The following RCSD1 variants were observed in gnomAD, a reference collection of about 807,000 sequenced individuals.
RCSD1 encodes capZ-interacting protein.
Under a neutral mutation model 42.5 loss-of-function variants are expected in RCSD1, and 26 were observed. That is an observed-to-expected ratio of 0.61 (90% CI 0.45 to 0.85). RCSD1 has a LOEUF of 0.85. RCSD1 is among the 40% of genes least tolerant of loss of function. The probability of loss-of-function intolerance (pLI) is 0.00; values close to 1 mark genes in which losing one functional copy is unlikely to be tolerated. For synonymous variants in RCSD1, 220 were observed against 212.2 expected (o/e 1.04, Z -0.32); for missense variants, 571 against 528.3 (o/e 1.08, Z -0.79).
chr1:167,634,257 CCTAA>C (rs1657774725), intron 1 of RCSD1, among the ~76,000 whole-genome samples: 1 of 152,178 alleles, frequency 6.6e-6, no homozygotes, highest in Admixed American at 6.5e-5. Flanking sequence ...TGTCAGCCTC[CCTAA>C]CTGTCACCCC....
At chr1:167,639,013 T>G (rs576457816) in intron 1 of RCSD1, among the ~76,000 whole-genome samples, 3 of 152,058 alleles carry the variant, frequency 2.0e-5, no homozygotes, top group Admixed American at 6.6e-5. Flanking sequence ...GTCAGGAGAT[T>G]GAGACCATCC....
intron 1 of RCSD1, among the ~76,000 whole-genome samples, chr1:167,672,904 T>C (rs1333020577): frequency 2.6e-5 from 4 of 152,214 alleles, no homozygotes; most frequent in African/African-American, 7.2e-5. Context: ...CTTCTCTGTG[T>C]ATGTCTCATC....
intron 1 of RCSD1, among the ~76,000 whole-genome samples, chr1:167,643,911 C>T (rs1457478364): frequency 3.3e-5 from 5 of 152,298 alleles, no homozygotes; most frequent in Middle Eastern, 3.4e-3. Flanking sequence ...GACTGGGACA[C>T]GGGATGGACA....
At chr1:167,633,934 GT>G (rs1362043968) in intron 1 of RCSD1, 2 of 152,224 alleles carry the variant, frequency 1.3e-5, no homozygotes, top group African/African-American at 4.8e-5. Flanking sequence ...GCCCAGAAGA[GT>G]GAAGTTCTCT....
At chr1:167,672,404 A>G (rs1658831539) in intron 1 of RCSD1, among the ~76,000 whole-genome samples, 2 of 152,194 alleles carry the variant, frequency 1.3e-5, no homozygotes, top group African/African-American at 4.8e-5. Context: ...AGAGTTCTGG[A>G]GGTCAAAAGC....
At chr1:167,693,780 T>A (rs1266201291) in intron 4 of RCSD1, among the ~76,000 whole-genome samples, 1 of 152,212 alleles carries the variant, frequency 6.6e-6, no homozygotes, top group Non-Finnish European at 1.5e-5. Context: ...GTGCCACAGG[T>A]GCTCCTGGCA....
chr1:167,694,465 T>A (rs757294936), intron 5 of RCSD1, among the ~76,000 whole-genome samples, 163 bp downstream of exon 5: 1 of 152,188 alleles, frequency 6.6e-6, no homozygotes, highest in Non-Finnish European at 1.5e-5. Context: ...CCTTTGCAAA[T>A]GATCCCTGAA....
At chr1:167,630,631 T>G in intron 1 of RCSD1, 1 of 325,978 alleles carries the variant, frequency 3.1e-6, no homozygotes, top group Non-Finnish European at 5.2e-6. Context: ...ACACCCGGGT[T>G]GGGAGGCTGG....
chr1:167,694,808 T>C (rs1267734304), intron 5 of RCSD1, among the ~76,000 whole-genome samples: 1 of 152,134 alleles, frequency 6.6e-6, no homozygotes, highest in Non-Finnish European at 1.5e-5. Context: ...ATCCAAACTG[T>C]TCCCTTTGCA....
chr1:167,690,065 C>T lies in RCSD1; in HGVS notation c.215C>T (p.Ala72Val), dbSNP rs761266081. The T allele has an allele frequency of 1.4e-5, 23 of 1,613,936 alleles. No homozygotes were observed. Among genetic ancestry groups the T allele is most frequent in the Middle Eastern group, 1.6e-4 (1 of 6,082 alleles). Reference sequence around the variant, plus strand: ...GCTCCATAGAAATCACCACCCAATGCGAGCCACCCTCCTAAATTCAAGGTC... The same window carrying T: ...GCTCCATAGAAATCACCACCCAATGTGAGCCACCCTCCTAAATTCAAGGTC... ...QNGEEKSPPN[A>V]SHPPKFKVKS... The change falls in exon 4 of 7, where the codon GCG (alanine) becomes GTG (valine). Residue 72 changes from alanine (A) to valine (V), a missense_variant. Coordinates refer to ENST00000367854, the MANE Select transcript of RCSD1 (RefSeq NM_052862.4).
Position 167,653,586 on chromosome 1 carries a change from G to A in RCSD1, c.6+23157G>A, listed in dbSNP as rs572451323. 7.9e-5 allele frequency among the ~76,000 whole-genome samples: 12 copies of A among 152,334 alleles called. No homozygotes were observed. In the East Asian group the frequency reaches 1.5e-3, roughly 20 times the overall value. On this transcript the variant is annotated intron_variant, in intron 1 of 6. Transcript: ENST00000367854. The stretch of plus-strand genomic sequence containing the variant: ...CCCACAAATATTGCACACCTATTAC[G>A]TGTTGGCCACTCTGCTAGGAATATG...
intron 6 of RCSD1, among the ~76,000 whole-genome samples, chr1:167,700,775 A>T (rs1367392409): frequency 6.6e-6 from 1 of 152,164 alleles, no homozygotes; most frequent in Non-Finnish European, 1.5e-5. Context: ...TACATGCCCC[A>T]ATCTGTTAGT....
intron 6 of RCSD1, among the ~76,000 whole-genome samples, chr1:167,703,571 C>T (rs947710286): frequency 4.6e-5 from 7 of 152,168 alleles, no homozygotes; most frequent in Non-Finnish European, 8.8e-5. Flanking sequence ...TCCAGACTCA[C>T]CCTACACATC....
intron 1 of RCSD1, among the ~76,000 whole-genome samples, chr1:167,631,817 G>A (rs1481255281): frequency 2.0e-5 from 3 of 152,200 alleles, no homozygotes; most frequent in Non-Finnish European, 4.4e-5. Context: ...TAGACTCTGT[G>A]CTTGCCGGCA....
At chr1:167,674,285 G>A (rs1658885988) in intron 1 of RCSD1, among the ~76,000 whole-genome samples, 1 of 152,184 alleles carries the variant, frequency 6.6e-6, no homozygotes, top group Non-Finnish European at 1.5e-5. Context: ...CTGCTCAGAT[G>A]TGTCTGCAGC....
intron 6 of RCSD1, among the ~76,000 whole-genome samples, chr1:167,698,612 T>C (rs1216792708): frequency 6.7e-6 from 1 of 148,888 alleles, no homozygotes. Context: ...AGCTCACCTA[T>C]CTATGCTTTA....
At position 167,697,271 on chromosome 1, in the gene RCSD1, C is replaced by A. The variant is rs373897302; in HGVS notation, c.647C>A (p.Ser216Tyr). The change falls in exon 6 of 7, where the codon TCC (serine) becomes TAC (tyrosine). Residue 216 changes from serine (S) to tyrosine (Y), a missense_variant. Ser to Tyr is a moderately radical substitution (Grantham distance 144, BLOSUM62 -2). Transcript: ENST00000367854. ...CCATCCAAGAGCAAGGCCCCAGGAT[C>A]CCCTTTGTCCAGTGAGGGAGCAGCG... Reference protein sequence around the residue: ...VLPSKSKAPGSPLSSEGAAGE... With the variant: ...VLPSKSKAPGYPLSSEGAAGE... 3 of 1,614,036 alleles carry A rather than the reference C, an allele frequency of 1.9e-6. No individual in the cohort carries two copies. Among genetic ancestry groups the A allele is most frequent in the Non-Finnish European group, 2.5e-6 (3 of 1,180,050 alleles).
chr1:167,645,148 A>G (rs1001572325), intron 1 of RCSD1, among the ~76,000 whole-genome samples: 2 of 152,246 alleles, frequency 1.3e-5, no homozygotes, highest in African/African-American at 2.4e-5. Flanking sequence ...TTAATATGCT[A>G]CGTGACATAT....
intron 2 of RCSD1, among the ~76,000 whole-genome samples, chr1:167,684,404 G>A (rs189935164): frequency 1.3e-5 from 2 of 152,312 alleles, no homozygotes; most frequent in Admixed American, 6.5e-5. Flanking sequence ...ACTCCAAATC[G>A]AGAATTGAGA....
Sources: gnomAD v4.1 joint callset for allele counts (sites outside exome capture counted in the v4.1 genomes callset) on GRCh38, gnomAD v4.1.1 for gene constraint, MANE v1.5 for transcripts, NCBI Gene and HGNC (gene_info 2026-07-23, HGNC 2026-07-21) for gene names.